Variants in DPYD observed in about 807,000 individuals in gnomAD.
The protein encoded by DPYD is dihydropyrimidine dehydrogenase [NADP(+)].
In DPYD, 109 loss-of-function variants were observed where a neutral mutation model predicts 116.2. The ratio of observed to expected loss-of-function variants is 0.94; its 90% confidence interval spans 0.80 to 1.10. The LOEUF is 1.10. Among genes scored for constraint, DPYD ranks in the 50% least tolerant of loss-of-function variants. The pLI is 0.00. For missense variants in DPYD, 1,302 were observed against 1,254.5 expected (o/e 1.04, Z -0.57); for synonymous variants, 440 against 432.0 (o/e 1.02, Z -0.23).
At chr1:97,196,358 C>T (rs188575696) in intron 19 of DPYD, among the ~76,000 whole-genome samples, 4 of 152,108 alleles carry the variant, frequency 2.6e-5, no homozygotes, top group South Asian at 2.1e-4. Context: ...TCAAGCAATC[C>T]GCCCACCTGG....
chr1:97,081,300 A>C (rs1649131376), intron 22 of DPYD, among the ~76,000 whole-genome samples: 1 of 152,074 alleles, frequency 6.6e-6, no homozygotes, highest in Admixed American at 6.6e-5. Flanking sequence ...ATCATTTCTT[A>C]AAAAGATCTT....
intron 19 of DPYD, among the ~76,000 whole-genome samples, chr1:97,223,682 G>T (rs970375567): frequency 6.6e-6 from 1 of 151,876 alleles, no homozygotes; most frequent in Non-Finnish European, 1.5e-5. Flanking sequence ...TCTGAGCTTT[G>T]GTTGTAATAC....
Position 97,198,282 on chromosome 1 carries a change from CAA to C in DPYD, c.2443-5036_2443-5035del, listed in dbSNP as rs1214187085. Among the ~76,000 whole-genome samples the C allele has an allele frequency of 2.7e-5, 4 of 150,606 alleles. No individual in the cohort carries two copies. In the East Asian group the frequency reaches 7.8e-4, roughly 29 times the overall value. Reference sequence around the variant, plus strand: ...CTCATCTCAACTGAAATGCTGACTGCAAAAAAAAATTTCTTCTAAACAAATAG... The same window carrying C: ...CTCATCTCAACTGAAATGCTGACTGCAAAAAAATTTCTTCTAAACAAATAG... On this transcript the variant is annotated intron_variant, in intron 19 of 22. Transcript: ENST00000370192.
intron 2 of DPYD, among the ~76,000 whole-genome samples, chr1:97,852,016 C>T (rs927880457): frequency 8.2e-6 from 1 of 122,476 alleles, no homozygotes; most frequent in Non-Finnish European, 1.7e-5. Context: ...AGAGACTGTG[C>T]AATTTACAAA....
intron 19 of DPYD, among the ~76,000 whole-genome samples, chr1:97,227,444 C>T (rs1433999129): frequency 1.3e-5 from 2 of 148,868 alleles, no homozygotes; most frequent in Non-Finnish European, 3.0e-5. Context: ...AGTTTATCAA[C>T]TGTGAGGTGG....
At chr1:97,857,924 A>G (rs1670928693) in intron 2 of DPYD, among the ~76,000 whole-genome samples, 2 of 151,932 alleles carry the variant, frequency 1.3e-5, no homozygotes, top group Non-Finnish European at 2.9e-5. Context: ...AAGAGACTCA[A>G]CTGGTGTCTA....
At chr1:97,297,915 A>G (rs570181013) in intron 18 of DPYD, among the ~76,000 whole-genome samples, 3 of 152,316 alleles carry the variant, frequency 2.0e-5, no homozygotes, top group Admixed American at 1.3e-4. Context: ...AATGGCACTC[A>G]TAATAAATTC....
intron 3 of DPYD, among the ~76,000 whole-genome samples, chr1:97,774,421 T>A (rs1303200813): frequency 6.6e-6 from 1 of 152,188 alleles, no homozygotes; most frequent in Non-Finnish European, 1.5e-5. Context: ...CTTTATGATA[T>A]TAAGAGTTTT....
In DPYD at chr1:97,795,466, C is replaced by G. The variant is rs1667521222; in HGVS notation, c.233+32648G>C. On this transcript the variant is annotated intron_variant, in intron 3 of 22. Coordinates refer to ENST00000370192, the MANE Select transcript of DPYD (RefSeq NM_000110.4). ...AACTGTTAGCTATATGCTGATCTTG[C>G]TAACAGAATACATAAAATACGTTTT... Among the ~76,000 whole-genome samples, 4 of 151,934 alleles carry G rather than the reference C, an allele frequency of 2.6e-5. No homozygotes were observed. The South Asian group carries it at 8.3e-4, about 31-fold the overall frequency.
At chr1:97,157,569 C>T (rs1182594480) in intron 20 of DPYD, among the ~76,000 whole-genome samples, 3 of 152,142 alleles carry the variant, frequency 2.0e-5, no homozygotes, top group Non-Finnish European at 2.9e-5. Context: ...CAAAGTCCTT[C>T]TCATTTCCAT....
chr1:97,759,960 A>G (rs890944069), intron 3 of DPYD, among the ~76,000 whole-genome samples: 4 of 152,168 alleles, frequency 2.6e-5, no homozygotes, highest in African/African-American at 9.7e-5. Flanking sequence ...AGACTCTAAA[A>G]ACACGCAGAA....
intron 14 of DPYD, among the ~76,000 whole-genome samples, chr1:97,390,620 A>T (rs1672638779): frequency 6.6e-6 from 1 of 151,954 alleles, no homozygotes; most frequent in Non-Finnish European, 1.5e-5. Context: ...TATGCTTACA[A>T]GTTGTCTTTT....
At chr1:97,496,518 C>A (rs1679274443) in intron 13 of DPYD, among the ~76,000 whole-genome samples, 1 of 152,022 alleles carries the variant, frequency 6.6e-6, no homozygotes, top group Non-Finnish European at 1.5e-5. Context: ...CAAACAAGGG[C>A]CTTTATTATG....
At chr1:97,289,658 C>G (rs1266473594) in intron 18 of DPYD, among the ~76,000 whole-genome samples, 1 of 152,116 alleles carries the variant, frequency 6.6e-6, no homozygotes, top group Non-Finnish European at 1.5e-5. Flanking sequence ...TAAAAACTCT[C>G]AATAAATTAG....
Position 97,486,137 on chromosome 1 carries a change from A to T in DPYD, c.1740+29589T>A, listed in dbSNP as rs1678619154. On this transcript the variant is annotated intron_variant, in intron 13 of 22. Transcript: ENST00000370192. ...TAAAGAGGCACATCATAACATTGTT[A>T]TTGTCTATCCAGTGACTAATTAAAG... Among the ~76,000 whole-genome samples the T allele has an allele frequency of 2.0e-5, 3 of 151,652 alleles. No individual in the cohort carries two copies. In the South Asian group the frequency reaches 6.2e-4, roughly 31 times the overall value.
intron 16 of DPYD, 21 bp downstream of exon 16, chr1:97,373,540 G>A (rs779549821): frequency 3.9e-5 from 62 of 1,606,234 alleles, no homozygotes; most frequent in Non-Finnish European, 5.3e-5. Context: ...CATACTTAGT[G>A]GCAGCTGTCA....
At chr1:97,221,172 C>T (rs559473263) in intron 19 of DPYD, among the ~76,000 whole-genome samples, 1 of 152,294 alleles carries the variant, frequency 6.6e-6, no homozygotes, top group South Asian at 2.1e-4. Flanking sequence ...AAACTACTCA[C>T]AGATAGAGCT....
At chr1:97,883,646 C>T (rs1672338300) in intron 1 of DPYD, among the ~76,000 whole-genome samples, 1 of 151,848 alleles carries the variant, frequency 6.6e-6, no homozygotes, top group African/African-American at 2.4e-5. Context: ...GAGGTTTCGC[C>T]ATGTTGCCCA....
chr1:97,285,379 A>C (rs561324816), intron 18 of DPYD, among the ~76,000 whole-genome samples: 1 of 152,354 alleles, frequency 6.6e-6, no homozygotes, highest in South Asian at 2.1e-4. Context: ...AGTAGGTATA[A>C]AAGTGCCAAG....
Sources: allele counts gnomAD v4.1 joint callset (sites outside exome capture counted in the v4.1 genomes callset), GRCh38; gene constraint gnomAD v4.1.1; transcripts MANE v1.5; gene names NCBI Gene and HGNC (gene_info 2026-07-23, HGNC 2026-07-21).